The following ADAMTSL1 variants were observed in gnomAD, a reference collection of about 807,000 sequenced individuals.
The protein encoded by ADAMTSL1 is ADAMTS-like protein 1.
Under a neutral mutation model 201.8 loss-of-function variants are expected in ADAMTSL1, and 126 were observed. That is an observed-to-expected ratio of 0.62 (90% CI 0.54 to 0.72). The LOEUF (loss-of-function observed/expected upper bound fraction) is 0.72, where lower values mean the gene tolerates loss of function less well. Among genes scored for constraint, ADAMTSL1 ranks in the 30% least tolerant of loss-of-function variants. ADAMTSL1 has a pLI of 0.00. For missense variants in ADAMTSL1, 2,679 were observed against 2,277.8 expected (o/e 1.18, Z -3.59); for synonymous variants, 1,121 against 903.4 (o/e 1.24, Z -4.32).
At chr9:18,709,634 C>T (rs1020965783) in intron 14 of ADAMTSL1, among the ~76,000 whole-genome samples, 2 of 152,188 alleles carry the variant, frequency 1.3e-5, no homozygotes, top group Non-Finnish European at 2.9e-5. Context: ...CACTGAAAAT[C>T]CCATTTTCTG....
chr9:18,450,474 T>A (rs1049910817), intron 2 of ADAMTSL1, among the ~76,000 whole-genome samples: 6 of 152,148 alleles, frequency 3.9e-5, no homozygotes, highest in Non-Finnish European at 8.8e-5. Flanking sequence ...TAGGAAAAGG[T>A]CAATTTTATC....
At chr9:17,981,854 G>T (rs777996383) in intron 1 of ADAMTSL1, among the ~76,000 whole-genome samples, 1 of 152,022 alleles carries the variant, frequency 6.6e-6, no homozygotes, top group Non-Finnish European at 1.5e-5. Flanking sequence ...CTTAGTTTGG[G>T]GTTGCCCTTG....
At chr9:18,093,155 T>A (rs995607732) in intron 1 of ADAMTSL1, among the ~76,000 whole-genome samples, 8 of 152,212 alleles carry the variant, frequency 5.3e-5, no homozygotes, top group African/African-American at 1.2e-4. Context: ...ATGGATTTTT[T>A]ATTTTTTTTG....
intron 1 of ADAMTSL1, among the ~76,000 whole-genome samples, chr9:18,101,116 G>C (rs903636584): frequency 3.9e-5 from 6 of 152,110 alleles, no homozygotes; most frequent in African/African-American, 1.4e-4. Context: ...GACCACCCTA[G>C]TTTTCACCAT....
intron 1 of ADAMTSL1, among the ~76,000 whole-genome samples, chr9:18,093,739 G>C (rs1422958810): frequency 2.0e-5 from 3 of 152,150 alleles, no homozygotes; most frequent in African/African-American, 7.2e-5. Flanking sequence ...AAAGAGCATG[G>C]TATTTGAGCT....
chr9:18,178,438 C>T (rs1163691530), intron 2 of ADAMTSL1, among the ~76,000 whole-genome samples: 3 of 152,028 alleles, frequency 2.0e-5, no homozygotes, highest in Non-Finnish European at 2.9e-5. Flanking sequence ...AAGGCAGCAG[C>T]GAGGCTGGGG....
intron 2 of ADAMTSL1, among the ~76,000 whole-genome samples, chr9:18,460,409 C>T (rs1299997386): frequency 1.3e-5 from 2 of 152,170 alleles, no homozygotes; most frequent in African/African-American, 4.8e-5. Flanking sequence ...TCAACTTCTT[C>T]AGCCCTAACC....
chr9:18,623,304 C>T (rs147541624), intron 5 of ADAMTSL1, among the ~76,000 whole-genome samples: 1,675 of 152,188 alleles, frequency 0.011, 13 homozygotes, highest in Admixed American at 0.02. Context: ...CACAATCGTC[C>T]CATGTAATTG....
At chr9:18,314,537 C>T (rs1212903229) in intron 2 of ADAMTSL1, among the ~76,000 whole-genome samples, 1 of 150,490 alleles carries the variant, frequency 6.6e-6, no homozygotes, top group Non-Finnish European at 1.5e-5. Flanking sequence ...AGAGTTGTTC[C>T]TTCCTCCCGT....
intron 20 of ADAMTSL1, among the ~76,000 whole-genome samples, chr9:18,802,752 C>T (rs549339150): frequency 5.9e-5 from 9 of 152,164 alleles, no homozygotes; most frequent in South Asian, 2.1e-4. Context: ...GGTTGTTTGG[C>T]GCATTTATGT....
chr9:18,827,548 G>A (rs1824659105), intron 22 of ADAMTSL1, among the ~76,000 whole-genome samples: 1 of 152,132 alleles, frequency 6.6e-6, no homozygotes, highest in African/African-American at 2.4e-5. Context: ...TTTGTTTTGC[G>A]CTGGGTTTCA....
intron 2 of ADAMTSL1, among the ~76,000 whole-genome samples, chr9:18,188,383 G>C (rs569252038): frequency 5.3e-5 from 8 of 152,208 alleles, no homozygotes; most frequent in Middle Eastern, 6.8e-3. Flanking sequence ...TTCCTGTCTG[G>C]CTTATCCCTT....
chr9:18,206,160 T>C (rs561183561), intron 2 of ADAMTSL1, among the ~76,000 whole-genome samples: 35 of 150,898 alleles, frequency 2.3e-4, no homozygotes, highest in Admixed American at 8.6e-4. Context: ...TCAATATGGA[T>C]CATCTTTTCA....
intron 2 of ADAMTSL1, among the ~76,000 whole-genome samples, chr9:18,411,170 A>G (rs1265802035): frequency 6.8e-6 from 1 of 146,510 alleles, no homozygotes; most frequent in African/African-American, 2.5e-5. Flanking sequence ...CCCTTTATTT[A>G]TTTATTTATT....
chr9:18,524,828 C>G (rs1298298332), intron 2 of ADAMTSL1, among the ~76,000 whole-genome samples: 1 of 152,158 alleles, frequency 6.6e-6, no homozygotes, highest in East Asian at 1.9e-4. Flanking sequence ...TGATGTGCTG[C>G]TGGATTCGGT....
At chr9:18,793,255 A>C (rs1033362175) in intron 19 of ADAMTSL1, 1 of 152,228 alleles carries the variant, frequency 6.6e-6, no homozygotes, top group Non-Finnish European at 1.5e-5. Flanking sequence ...TTCCTCTGAC[A>C]GGAGGTAAGA....
chr9:17,998,107 A>G (rs7043577), intron 1 of ADAMTSL1, among the ~76,000 whole-genome samples: 1 of 152,226 alleles, frequency 6.6e-6, no homozygotes, highest in South Asian at 2.1e-4. Flanking sequence ...TAGCCTTTCC[A>G]TTCTTAACAA....
intron 17 of ADAMTSL1, among the ~76,000 whole-genome samples, chr9:18,772,779 C>T (rs140067059): frequency 6.6e-6 from 1 of 152,294 alleles, no homozygotes; most frequent in East Asian, 1.9e-4. Context: ...CTCACCATGG[C>T]TGGCTGGGCC....
chr9:18,054,248 A>G (rs1822069883), intron 1 of ADAMTSL1, among the ~76,000 whole-genome samples: 1 of 152,260 alleles, frequency 6.6e-6, no homozygotes, highest in South Asian at 2.1e-4. Flanking sequence ...AGCCCAAAGA[A>G]TAAATTTACA....
Sources: gnomAD v4.1 joint callset for allele counts (sites outside exome capture counted in the v4.1 genomes callset) on GRCh38, gnomAD v4.1.1 for gene constraint, MANE v1.5 for transcripts, NCBI Gene and HGNC (gene_info 2026-07-23, HGNC 2026-07-21) for gene names.